The following GABPB2 variants were observed in gnomAD, a reference collection of about 807,000 sequenced individuals.
The protein encoded by GABPB2 is GA binding protein transcription factor subunit beta 2.
GABPB2 carries 23 observed loss-of-function variants against 39.1 expected under a neutral mutation model. That is an observed-to-expected ratio of 0.59 (90% confidence interval 0.42 to 0.83). The LOEUF is 0.83. Among genes scored for constraint, GABPB2 ranks in the 40% least tolerant of loss-of-function variants. The pLI, the probability that GABPB2 is intolerant of heterozygous loss-of-function variation, is 0.00. For synonymous variants in GABPB2, 184 were observed against 199.3 expected (o/e 0.92, Z 0.65); for missense variants, 467 against 541.1 (o/e 0.86, Z 1.36).
intron 1 of GABPB2, among the ~76,000 whole-genome samples, chr1:151,078,490 G>A (rs894905463): frequency 6.6e-6 from 1 of 151,808 alleles, no homozygotes; most frequent in Non-Finnish European, 1.5e-5. Flanking sequence ...CCACTCAGGA[G>A]GCTGAGGCAG....
intron 2 of GABPB2, among the ~76,000 whole-genome samples, chr1:151,088,988 CA>C (rs10709126): frequency 0.6 from 87,247 of 144,548 alleles, 28,154 homozygotes; most frequent in East Asian, 0.89. Flanking sequence ...AACTCTGTTT[CA>C]AAAAAAAAAA....
chr1:151,078,272 GAAAAAAA>G (rs749005394), intron 1 of GABPB2, among the ~76,000 whole-genome samples: 2 of 95,210 alleles, frequency 2.1e-5, no homozygotes, highest in Non-Finnish European at 4.2e-5. Context: ...ACTTCAACTC[GAAAAAAA>G]AAAAAAAAGA....
chr1:151,110,005 ATTTTTTTTTTTTTTTTTTTTTTTTTTTTT>A (rs71577269), intron 7 of GABPB2, among the ~76,000 whole-genome samples: 13,199 of 61,462 alleles, frequency 0.21, 1,008 homozygotes, highest in African/African-American at 0.29. Flanking sequence ...TGCCCAGCTA[ATTTTTTTTTTTTTTTTTTTTTTTTTTTTT>A]TTTTTTTTGC....
At chr1:151,092,384 C>T (rs1406761312) in intron 3 of GABPB2, among the ~76,000 whole-genome samples, 6 of 151,528 alleles carry the variant, frequency 4.0e-5, no homozygotes, top group African/African-American at 7.3e-5. Flanking sequence ...GGATTACAGG[C>T]GTGAGCCACC....
At chr1:151,101,671 A>G (rs1274389855) in intron 5 of GABPB2, among the ~76,000 whole-genome samples, 1 of 152,206 alleles carries the variant, frequency 6.6e-6, no homozygotes, top group Non-Finnish European at 1.5e-5. Context: ...GCTTAATGTC[A>G]TGCCAGCTGA....
chr1:151,095,850 A>G (rs965536090), intron 4 of GABPB2, among the ~76,000 whole-genome samples: 6 of 151,556 alleles, frequency 4.0e-5, no homozygotes, highest in African/African-American at 1.5e-4. Flanking sequence ...CCTGGCCAAC[A>G]TGGTGAAACC....
At chr1:151,109,298 T>TTA (rs33932552) in intron 7 of GABPB2, among the ~76,000 whole-genome samples, 6,962 of 139,384 alleles carry the variant, frequency 0.05, 279 homozygotes, top group African/African-American at 0.11. Flanking sequence ...TTGTGGGGAT[T>TTA]TATATATATA....
intron 1 of GABPB2, among the ~76,000 whole-genome samples, chr1:151,073,924 G>GT (rs1676934016): frequency 1.4e-5 from 2 of 143,166 alleles, no homozygotes; most frequent in African/African-American, 5.1e-5. Flanking sequence ...GGCTAAAAAA[G>GT]AAAGTAAAGA....
rs116727262 is a variant in GABPB2, at chr1:151,095,450, A to G, written c.471+2064A>G. Reference sequence around the variant, plus strand: ...GGACTGATATGACTAAATTTGGTTTAAAAAGATGATTGTTTGGAATGTGGC... The same window carrying G: ...GGACTGATATGACTAAATTTGGTTTGAAAAGATGATTGTTTGGAATGTGGC... On this transcript the variant is annotated intron_variant, in intron 4 of 8. Transcript: ENST00000368918. 3.2e-3 allele frequency among the ~76,000 whole-genome samples: 494 copies of G among 152,326 alleles called. 2 individuals carry two copies. The highest frequency in any genetic ancestry group is 8.3e-3 in the South Asian group (40 of 4,824).
At chr1:151,114,943 G>A (rs587627995) in intron 7 of GABPB2, among the ~76,000 whole-genome samples, 1 of 152,096 alleles carries the variant, frequency 6.6e-6, no homozygotes, top group Non-Finnish European at 1.5e-5. Flanking sequence ...CTGGGAGGTG[G>A]AGGTTGCAGT....
chr1:151,109,298 T>TTATATATATA (rs33932552), intron 7 of GABPB2, among the ~76,000 whole-genome samples: 5 of 139,500 alleles, frequency 3.6e-5, no homozygotes, highest in African/African-American at 1.3e-4. Flanking sequence ...TTGTGGGGAT[T>TTATATATATA]TATATATATA....
At chr1:151,106,890 A>G in intron 6 of GABPB2, 147 bp from the exon 7 acceptor site, 1 of 523,912 alleles carries the variant, frequency 1.9e-6, no homozygotes, top group East Asian at 3.2e-5. Flanking sequence ...AGCATTGTTC[A>G]CAAAACCTTT....
At chr1:151,117,891 T>G (rs1308982641) in intron 8 of GABPB2, 66 bp from the exon 9 acceptor site, 3 of 1,492,490 alleles carry the variant, frequency 2.0e-6, no homozygotes, top group Non-Finnish European at 2.7e-6. Flanking sequence ...GCCTGTCTTT[T>G]TGTCTACTGT....
At chr1:151,100,184 G>A (rs1353170008) in intron 5 of GABPB2, among the ~76,000 whole-genome samples, 17 of 143,432 alleles carry the variant, frequency 1.2e-4, no homozygotes, top group African/African-American at 2.6e-4. Flanking sequence ...TCGCTCTGTC[G>A]CCCAGGCTGG....
At chr1:151,113,374 C>T (rs1252403864) in intron 7 of GABPB2, among the ~76,000 whole-genome samples, 2 of 150,200 alleles carry the variant, frequency 1.3e-5, no homozygotes, top group Non-Finnish European at 2.9e-5. Flanking sequence ...GAGGCTGAGT[C>T]AGGAGAATGG....
intron 1 of GABPB2, among the ~76,000 whole-genome samples, chr1:151,084,357 G>A (rs1430718203): frequency 2.0e-5 from 3 of 149,192 alleles, no homozygotes; most frequent in Non-Finnish European, 4.5e-5. Flanking sequence ...TGAGTAGCTG[G>A]GATTACAGGC....
At chr1:151,116,198 A>T (rs1449246341) in intron 7 of GABPB2, among the ~76,000 whole-genome samples, 2 of 151,876 alleles carry the variant, frequency 1.3e-5, no homozygotes, top group South Asian at 4.2e-4. Context: ...TTGAGACCAG[A>T]CTGACCAACA....
chr1:151,091,007 CAAAACAAAACA>C (rs1678638775), intron 3 of GABPB2, among the ~76,000 whole-genome samples: 1 of 148,276 alleles, frequency 6.7e-6, no homozygotes, highest in African/African-American at 2.5e-5. Context: ...CAAAACAAAA[CAAAACAAAACA>C]AAAAAACAAA....
chr1:151,106,173 G>T (rs1441106614), intron 6 of GABPB2, among the ~76,000 whole-genome samples: 2 of 151,214 alleles, frequency 1.3e-5, no homozygotes, highest in South Asian at 2.1e-4. Context: ...TGTTGGCCAG[G>T]CTGGTCTCGA....
Sources: allele counts gnomAD v4.1 joint callset (sites outside exome capture counted in the v4.1 genomes callset), GRCh38; gene constraint gnomAD v4.1.1; transcripts MANE v1.5; gene names NCBI Gene and HGNC (gene_info 2026-07-23, HGNC 2026-07-21).